RERE: variants seen among roughly 807,000 people sequenced by gnomAD.
RERE encodes the protein arginine-glutamic acid dipeptide repeats, also known as arginine-glutamic acid dipeptide repeats protein.
RERE carries 40 observed loss-of-function variants against 146.1 expected under a neutral mutation model. That is an observed-to-expected ratio of 0.27 (90% CI 0.21 to 0.36). RERE has a LOEUF of 0.36. Ranked by LOEUF, RERE falls within the 10% of genes least tolerant of loss-of-function variation. RERE has a pLI of 1.00. For missense variants in RERE, 1,933 were observed against 2,138.7 expected (o/e 0.90, Z 1.90); for synonymous variants, 1,003 against 866.0 (o/e 1.16, Z -2.78).
At chr1:8,671,192 C>T (rs1638708851) in intron 1 of RERE, among the ~76,000 whole-genome samples, 1 of 152,078 alleles carries the variant, frequency 6.6e-6, no homozygotes, top group Admixed American at 6.5e-5. Flanking sequence ...AAACAAACTA[C>T]TAGGGATGAA....
intron 1 of RERE, among the ~76,000 whole-genome samples, chr1:8,729,056 T>G (rs1051339602): frequency 6.6e-6 from 1 of 151,716 alleles, no homozygotes; most frequent in African/African-American, 2.4e-5. Flanking sequence ...TCCTAGCTAC[T>G]CAGGAGGCTG....
At chr1:8,616,730 A>G (rs1435379068) in intron 3 of RERE, among the ~76,000 whole-genome samples, 3 of 152,236 alleles carry the variant, frequency 2.0e-5, no homozygotes, top group Non-Finnish European at 4.4e-5. Flanking sequence ...AAAATGAATT[A>G]CCCAACCTCA....
At chr1:8,488,439 TTTCACCATGTTGGCCAGGCTGG>T (rs1360356644) in intron 10 of RERE, among the ~76,000 whole-genome samples, 1 of 151,934 alleles carries the variant, frequency 6.6e-6, no homozygotes. Flanking sequence ...AGAGACGAGG[TTTCACCATGTTGGCCAGGCTGG>T]TCTCAAACTC....
At chr1:8,779,216 A>G (rs982273313) in intron 1 of RERE, among the ~76,000 whole-genome samples, 1 of 151,900 alleles carries the variant, frequency 6.6e-6, no homozygotes, top group African/African-American at 2.4e-5. Flanking sequence ...TAAATATGAG[A>G]TGACATTTAT....
At chr1:8,425,072 T>A (rs562033267) in intron 11 of RERE, 28 of 152,510 alleles carry the variant, frequency 1.8e-4, no homozygotes, top group African/African-American at 5.8e-4. Flanking sequence ...GGATGAGGAC[T>A]GTGCCAGTGG....
At chr1:8,655,110 A>T (rs535294848) in intron 2 of RERE, among the ~76,000 whole-genome samples, 109 of 152,316 alleles carry the variant, frequency 7.2e-4, no homozygotes, top group African/African-American at 2.5e-3. Context: ...AAAACCAAGC[A>T]GGTTAGATGA....
intron 4 of RERE, among the ~76,000 whole-genome samples, chr1:8,601,861 T>C (rs1646635889): frequency 6.6e-6 from 1 of 151,746 alleles, no homozygotes; most frequent in African/African-American, 2.4e-5. Context: ...TGCCTTTCCA[T>C]CCAAACTATC....
intron 12 of RERE, among the ~76,000 whole-genome samples, chr1:8,392,020 C>G (rs1214560122): frequency 2.0e-5 from 3 of 152,156 alleles, no homozygotes. Context: ...GAGTGAGACT[C>G]TGCCTCAGAA....
In RERE at chr1:8,360,914, G is replaced by A. The variant is rs779843985; in HGVS notation, c.2593C>T (p.His865Tyr). Reference protein sequence around the residue: ...HSLQAGPLLQHPGPPQPFGLP... With the variant: ...HSLQAGPLLQYPGPPQPFGLP... Reference sequence around the variant, plus strand: ...CCAAAGGGCTGTGGGGGGCCTGGGTGCTGCAGCAGGGGCCCAGCCTGCAGG... The same window carrying A: ...CCAAAGGGCTGTGGGGGGCCTGGGTACTGCAGCAGGGGCCCAGCCTGCAGG... The change falls in exon 18 of 23, where the codon CAC becomes TAC. Residue 865 changes from histidine to tyrosine, a missense_variant. His to Tyr is a moderately conservative substitution (Grantham distance 83, BLOSUM62 2). Transcript: ENST00000400908. 9.2e-5 allele frequency: 136 copies of A among 1,485,676 alleles called. No homozygotes were observed. The highest frequency in any genetic ancestry group is 1.1e-4 in the Non-Finnish European group (129 of 1,124,906). The allele number at this position is 1,485,676 out of a possible 1,614,324, so 92.0% of individuals were successfully genotyped here.
chr1:8,601,181 G>A (rs746250843), intron 4 of RERE, among the ~76,000 whole-genome samples: 34 of 151,762 alleles, frequency 2.2e-4, no homozygotes, highest in African/African-American at 4.8e-4. Flanking sequence ...CACCATGCCC[G>A]GCTGTTTTGT....
intron 12 of RERE, among the ~76,000 whole-genome samples, chr1:8,377,679 G>T (rs1344778896): frequency 6.6e-6 from 1 of 152,106 alleles, no homozygotes; most frequent in Non-Finnish European, 1.5e-5. Flanking sequence ...TTCATTATAT[G>T]TGCAATCTTA....
At chr1:8,458,587 A>AT (rs1265803315) in intron 11 of RERE, among the ~76,000 whole-genome samples, 1 of 151,966 alleles carries the variant, frequency 6.6e-6, no homozygotes, top group East Asian at 1.9e-4. Flanking sequence ...GCACACACAC[A>AT]TATACATACA....
At position 8,358,790 on chromosome 1, in the gene RERE, C is replaced by T. The variant is rs1450240578; in HGVS notation, c.3745G>A (p.Asp1249Asn). The part of the protein sequence containing the change: ...IAAVPPYIGP[D>N]TPALRTLSEY... ...CTCAGAGTCCGAAGGGCAGGTGTGT[C>T]GGGCCCGATGTAGGGGGGCACAGCA... Residue 1249 changes from aspartate to asparagine, a missense_variant, in exon 20 of 23, where the codon GAC becomes AAC. Around this residue, in one of 11 missense-constraint regions of RERE, gnomAD observed 1,255 missense variants for 1,153.8 expected, o/e 1.09. Coordinates refer to ENST00000400908, the MANE Select transcript of RERE (RefSeq NM_001042681.2). 10 of 1,612,658 alleles carry T rather than the reference C, an allele frequency of 6.2e-6. No individual in the cohort carries two copies. The highest frequency in any genetic ancestry group is 1.7e-5 in the Admixed American group (1 of 59,844).
At chr1:8,437,642 T>C (rs776438836) in intron 11 of RERE, among the ~76,000 whole-genome samples, 1 of 152,078 alleles carries the variant, frequency 6.6e-6, no homozygotes, top group Non-Finnish European at 1.5e-5. Context: ...TTGCTGACAA[T>C]ATTGGTAATA....
At chr1:8,802,728 G>C (rs55840223) in intron 1 of RERE, among the ~76,000 whole-genome samples, 31,864 of 152,110 alleles carry the variant, frequency 0.21, 3,826 homozygotes, top group Middle Eastern at 0.27. Flanking sequence ...CACAATCTCT[G>C]TCTTGGTCAT....
chr1:8,509,198 C>T (rs1274463712), intron 7 of RERE, among the ~76,000 whole-genome samples: 1 of 152,108 alleles, frequency 6.6e-6, no homozygotes, highest in Non-Finnish European at 1.5e-5. Context: ...CCGCCTGCCT[C>T]GGCTTCCCAA....
chr1:8,671,931 A>G (rs1446159041), intron 1 of RERE, among the ~76,000 whole-genome samples: 15 of 152,128 alleles, frequency 9.9e-5, no homozygotes, highest in Admixed American at 9.8e-4. Flanking sequence ...CATGAGAAAT[A>G]TATGATTACA....
At chr1:8,597,989 C>T (rs1157673146) in intron 4 of RERE, among the ~76,000 whole-genome samples, 1 of 152,094 alleles carries the variant, frequency 6.6e-6, no homozygotes, top group Admixed American at 6.5e-5. Flanking sequence ...TGCATTTCTT[C>T]CTAAAAGAGA....
At chr1:8,533,175 C>T (rs1287519206) in intron 7 of RERE, among the ~76,000 whole-genome samples, 3 of 145,572 alleles carry the variant, frequency 2.1e-5, no homozygotes, top group African/African-American at 7.5e-5. Context: ...ATGGCCATCA[C>T]TACATTGCCA....
Sources: allele counts gnomAD v4.1 joint callset (sites outside exome capture counted in the v4.1 genomes callset), GRCh38; gene constraint gnomAD v4.1.1; regional missense constraint gnomAD v4.1.1; transcripts MANE v1.5; gene names NCBI Gene and HGNC (gene_info 2026-07-23, HGNC 2026-07-21).